Variants in DOCK9 observed in about 807,000 individuals in gnomAD.
DOCK9 encodes dedicator of cytokinesis 9.
Under a neutral mutation model 263.3 loss-of-function variants are expected in DOCK9, and 89 were observed. The observed-to-expected ratio is 0.34, with a 90% confidence interval of 0.28 to 0.40. The LOEUF is 0.40. Among genes scored for constraint, DOCK9 ranks in the 10% least tolerant of loss-of-function variants. The probability of loss-of-function intolerance (pLI) is 1.00; values close to 1 mark genes in which losing one functional copy is unlikely to be tolerated. For synonymous variants in DOCK9, 976 were observed against 973.1 expected (o/e 1.00, Z -0.06); for missense variants, 2,140 against 2,603.4 (o/e 0.82, Z 3.87).
chr13:98,917,948 T>A (rs1242161764), intron 7 of DOCK9, among the ~76,000 whole-genome samples: 2 of 152,144 alleles, frequency 1.3e-5, no homozygotes, highest in Non-Finnish European at 2.9e-5. Context: ...GCATTCCCTA[T>A]TGCTTTGCAA....
At chr13:98,959,392 A>G (rs1017257985) in intron 1 of DOCK9, 4 of 152,364 alleles carry the variant, frequency 2.6e-5, no homozygotes, top group Middle Eastern at 3.4e-3. Flanking sequence ...TTCAACTTGT[A>G]CAAACCCTAC....
At chr13:98,885,135 G>T in intron 20 of DOCK9, 43 bp from the exon 21 acceptor site, 1 of 1,601,384 alleles carries the variant, frequency 6.2e-7, no homozygotes, top group Non-Finnish European at 8.5e-7. Context: ...AACACTGTGA[G>T]TGTATGAAAA....
chr13:98,861,944 G>T (rs1046070850), intron 32 of DOCK9, among the ~76,000 whole-genome samples: 1 of 152,194 alleles, frequency 6.6e-6, no homozygotes, highest in Non-Finnish European at 1.5e-5. Flanking sequence ...GCCCACAGAG[G>T]TGGCCTTTCT....
chr13:98,940,716 C>T (rs2055687044), intron 2 of DOCK9, among the ~76,000 whole-genome samples: 1 of 152,018 alleles, frequency 6.6e-6, no homozygotes, highest in Non-Finnish European at 1.5e-5. Context: ...TTCACTGGCA[C>T]CTGCATGGTC....
intron 1 of DOCK9, among the ~76,000 whole-genome samples, chr13:99,059,973 G>A (rs1033840992): frequency 1.3e-5 from 2 of 150,540 alleles, no homozygotes; most frequent in African/African-American, 4.9e-5. Flanking sequence ...ACTGTGGCAT[G>A]TGTCAGTACT....
chr13:98,836,018 G>C (rs376297917), intron 39 of DOCK9, among the ~76,000 whole-genome samples: 3 of 152,218 alleles, frequency 2.0e-5, no homozygotes, highest in African/African-American at 2.4e-5. Context: ...TTACAGGTGT[G>C]AGCCACTTCA....
At chr13:99,040,857 T>C (rs1457838109) in intron 1 of DOCK9, among the ~76,000 whole-genome samples, 1 of 152,322 alleles carries the variant, frequency 6.6e-6, no homozygotes, top group East Asian at 1.9e-4. Context: ...AAGTCAGCAA[T>C]GTAACAAAAG....
intron 45 of DOCK9, among the ~76,000 whole-genome samples, chr13:98,822,071 A>C (rs1456336566): frequency 6.6e-6 from 1 of 152,252 alleles, no homozygotes; most frequent in East Asian, 1.9e-4. Flanking sequence ...CGTTAGTTTC[A>C]ATCTGGATGT....
intron 1 of DOCK9, among the ~76,000 whole-genome samples, chr13:98,999,228 G>A (rs760238080): frequency 1.3e-5 from 2 of 151,990 alleles, no homozygotes; most frequent in Non-Finnish European, 1.5e-5. Flanking sequence ...GAGGGTGAGT[G>A]TGTGACCTGG....
chr13:98,822,485 T>C (rs529963603), intron 45 of DOCK9, among the ~76,000 whole-genome samples: 1 of 152,276 alleles, frequency 6.6e-6, no homozygotes, highest in South Asian at 2.1e-4. Flanking sequence ...CCAAACAAAA[T>C]GGTACACTCC....
At chr13:98,823,965 G>T (rs1466906391) in intron 45 of DOCK9, among the ~76,000 whole-genome samples, 3 of 152,168 alleles carry the variant, frequency 2.0e-5, no homozygotes, top group Admixed American at 6.5e-5. Context: ...CTATGACCAG[G>T]ACCCGAGTCT....
At chr13:98,961,125 G>A (rs778823490) in intron 1 of DOCK9, among the ~76,000 whole-genome samples, 4 of 152,178 alleles carry the variant, frequency 2.6e-5, no homozygotes, top group Non-Finnish European at 5.9e-5. Flanking sequence ...CAGAGCTAAG[G>A]TCAAGCCCAT....
chr13:98,985,033 GAACTAT>G (rs1878114012), intron 1 of DOCK9, among the ~76,000 whole-genome samples: 1 of 126,226 alleles, frequency 7.9e-6, no homozygotes, highest in Non-Finnish European at 1.6e-5. Context: ...GAACATAACA[GAACTAT>G]AACGTGCTAT....
chr13:98,966,288 C>T (rs559244706), intron 1 of DOCK9, among the ~76,000 whole-genome samples: 27 of 152,340 alleles, frequency 1.8e-4, no homozygotes, highest in African/African-American at 6.0e-4. Flanking sequence ...CGGCCATGGG[C>T]CAACACCAGG....
rs71114576 is a variant in DOCK9, at chr13:99,060,062, C to CTTTTTTTTTTTTTTTTT, written c.129+26144_129+26160dup. 2.0e-4 allele frequency among the ~76,000 whole-genome samples: 12 copies of CTTTTTTTTTTTTTTTTT among 61,462 alleles called. 2 individuals are homozygous for CTTTTTTTTTTTTTTTTT. Among genetic ancestry groups the CTTTTTTTTTTTTTTTTT allele is most frequent in the African/African-American group, 7.1e-4 (9 of 12,596 alleles). The allele number at this position is 61,462 out of a possible 152,430, so 40.3% of individuals were successfully genotyped here. On this transcript the variant is annotated intron_variant, in intron 1 of 32. Coordinates refer to the DOCK9 transcript ENST00000427887. The stretch of plus-strand genomic sequence containing the variant: ...AGTTACAGACATTTGATTGTTTCTA[C>CTTTTTTTTTTTTTTTTT]TTTTTTTTTTTTTTTTTTTTTTTTT...
intron 1 of DOCK9, among the ~76,000 whole-genome samples, chr13:99,070,258 A>G (rs969916081): frequency 6.6e-6 from 1 of 152,240 alleles, no homozygotes; most frequent in Non-Finnish European, 1.5e-5. Context: ...TCTTACATGT[A>G]GTACAAACTT....
At chr13:98,955,070 C>T (rs977395055) in intron 2 of DOCK9, among the ~76,000 whole-genome samples, 12 of 152,176 alleles carry the variant, frequency 7.9e-5, no homozygotes, top group African/African-American at 2.4e-4. Context: ...ATAATCCCAA[C>T]ATTTTGAGAG....
chr13:98,979,180 ATAGTAGTAG>A (rs56125832), upstream of DOCK9, among the ~76,000 whole-genome samples: 1,458 of 132,780 alleles, frequency 0.011, 22 homozygotes, highest in African/African-American at 0.037. Context: ...AGCAGCAGCA[ATAGTAGTAG>A]TAGTAGTAGT....
At chr13:98,989,698 C>T (rs1879368931) in intron 1 of DOCK9, among the ~76,000 whole-genome samples, 1 of 152,134 alleles carries the variant, frequency 6.6e-6, no homozygotes, top group South Asian at 2.1e-4. Flanking sequence ...TTACCATCCT[C>T]CACAGGACAG....
Sources: gnomAD v4.1 joint callset for allele counts (sites outside exome capture counted in the v4.1 genomes callset) on GRCh38, gnomAD v4.1.1 for gene constraint, MANE v1.5 for transcripts, NCBI Gene and HGNC (gene_info 2026-07-23, HGNC 2026-07-21) for gene names.